Variants in LZTS3 observed in about 807,000 individuals in gnomAD.
LZTS3 encodes leucine zipper putative tumor suppressor 3.
LZTS3 carries 16 observed loss-of-function variants against 50.9 expected under a neutral mutation model. That is an observed-to-expected ratio of 0.31 (90% CI 0.21 to 0.48). The LOEUF is 0.48. Ranked by LOEUF, LZTS3 falls within the 20% of genes least tolerant of loss-of-function variation. LZTS3 has a pLI of 0.99. For missense variants in LZTS3, 816 were observed against 931.0 expected (o/e 0.88, Z 1.61); for synonymous variants, 408 against 410.6 (o/e 0.99, Z 0.08).
chr20:3,165,391 A>ACC lies in LZTS3; in HGVS notation c.1323+105_1323+106insGG, dbSNP rs1555767247. 3.0e-3 allele frequency: 2,770 copies of ACC among 934,132 alleles called. 11 individuals are homozygous for ACC. Among genetic ancestry groups the ACC allele is most frequent in the African/African-American group, 0.015 (718 of 46,854 alleles). The allele number at this position is 934,132 out of a possible 1,614,324, so 57.9% of individuals were successfully genotyped here. ...GATTTTTGTCCCCCCTGCTCCTTTC[A>ACC]TCCCCCCCCCCATCCCACCGTTATG... On this transcript the variant is annotated intron_variant, in intron 4 of 4. Coordinates refer to ENST00000337576, the MANE Select transcript of LZTS3 (RefSeq NM_001365618.1). This position sits in a 1 kb window ranked among gnomAD's most constrained non-coding sequence, Gnocchi z 5.0.
rs755795847 is a variant in LZTS3 at position 3,166,341 on chromosome 20, C to T, written c.479G>A (p.Arg160Gln). 28 of 1,610,314 alleles carry T rather than the reference C, an allele frequency of 1.7e-5. No homozygotes were observed. Among genetic ancestry groups the T allele is most frequent in the Middle Eastern group, 1.6e-4 (1 of 6,064 alleles). The change falls in exon 4 of 5, where the codon CGG (arginine) becomes CAG (glutamine). Residue 160 changes from arginine (R) to glutamine (Q), a missense_variant. Around this residue, in one of 3 missense-constraint regions of LZTS3, gnomAD observed 700 missense variants for 769.4 expected, o/e 0.91. Transcript: ENST00000337576. Reference protein sequence around the residue: ...KLDQCSEPLVRPSAFKPVVPK... With the variant: ...KLDQCSEPLVQPSAFKPVVPK... ...TACGACAGGCTTGAAGGCCGACGGC[C>T]GAACTAGTGGTTCTGAGCACTGCAG...
chr20:3,169,253 C>T (rs2066873388), intron 1 of LZTS3, among the ~76,000 whole-genome samples: 2 of 152,206 alleles, frequency 1.3e-5, no homozygotes, highest in Non-Finnish European at 2.9e-5. Context: ...CTCTACTCCC[C>T]AGCATACTCC....
chr20:3,164,276 G>T lies in LZTS3; in HGVS notation c.*178C>A. 2 of 587,656 alleles carry T rather than the reference G, an allele frequency of 3.4e-6. No homozygotes were observed. Among genetic ancestry groups the T allele is most frequent in the Non-Finnish European group, 5.3e-6 (2 of 375,354 alleles). The allele number at this position is 587,656 out of a possible 1,614,324, so 36.4% of individuals were successfully genotyped here. On this transcript the variant is annotated 3_prime_UTR_variant, in exon 5 of 5. Coordinates refer to ENST00000337576, the MANE Select transcript of LZTS3 (RefSeq NM_001365618.1). ...GGGGGGTCCAAGTGGGCTGCCACGG[G>T]GGCAGTGCTGGAGCTAGGAGGGCAG...
chr20:3,167,363 G>A, intron 2 of LZTS3, 182 bp from the exon 3 acceptor site: 1 of 1,347,828 alleles, frequency 7.4e-7, no homozygotes. Context: ...ACTTGGGAAT[G>A]GGGGCTGCCT....
Position 3,163,360 on chromosome 20 carries a change from C to G in LZTS3, c.*1094G>C, listed in dbSNP as rs2066758853. 1 of 153,250 alleles carries G rather than the reference C, an allele frequency of 6.5e-6. No individual in the cohort carries two copies. The highest frequency in any genetic ancestry group is 2.4e-5 in the African/African-American group (1 of 41,458). The allele number at this position is 153,250 out of a possible 1,614,324, so 9.5% of individuals were successfully genotyped here. On this transcript the variant is annotated 3_prime_UTR_variant, in exon 5 of 5. Coordinates refer to ENST00000337576, the MANE Select transcript of LZTS3 (RefSeq NM_001365618.1). This position sits in a 1 kb window ranked among gnomAD's most constrained non-coding sequence, Gnocchi z 5.2. ...TTCAAGGGCAATCACATCCAACTCT[C>G]CCCCCGCCCCCAAAACAAGGGCCTC...
chr20:3,173,160 C>A (rs1043490544), intron 1 of LZTS3, among the ~76,000 whole-genome samples: 7 of 152,138 alleles, frequency 4.6e-5, no homozygotes, highest in African/African-American at 1.7e-4. Context: ...TGGGGGAAAC[C>A]CCGCCCGCAC....
chr20:3,166,752 G>A lies in LZTS3; in HGVS notation c.412C>T (p.Pro138Ser), dbSNP rs777636403. Reference sequence around the variant, plus strand: ...GCCAGGAGCTTGGGTGGGTGGCTGGGCTCACGATACTGCGGTGGGGCTTTG... The same window carrying A: ...GCCAGGAGCTTGGGTGGGTGGCTGGACTCACGATACTGCGGTGGGGCTTTG... ...SDKAPPQYRE[P>S]SHPPKLLATS... is the part of the protein sequence containing the mutation. The change falls in exon 3 of 5, where the codon CCC becomes TCC. Residue 138 changes from proline (P) to serine (S), a missense_variant. Pro to Ser is a moderately conservative substitution (Grantham distance 74). Coordinates refer to ENST00000337576, the MANE Select transcript of LZTS3 (RefSeq NM_001365618.1). 1 of 1,613,872 alleles carries A rather than the reference G, an allele frequency of 6.2e-7. No homozygotes were observed. The highest frequency in any genetic ancestry group is 1.1e-5 in the South Asian group (1 of 91,084).
chr20:3,164,977 C>A lies in LZTS3; in HGVS notation c.1499G>T (p.Ser500Ile). The A allele has an allele frequency of 6.4e-7, 1 of 1,557,630 alleles. No individual in the cohort carries two copies. Among genetic ancestry groups the A allele is most frequent in the Non-Finnish European group, 8.6e-7 (1 of 1,156,412 alleles). ...GCCCAGCTCCAGGCTGGCCTGCTTG[C>A]TGCTGAAGGAGTCCCGCAGGCTGAG... Reference protein sequence around the residue: ...QLLSLRDSFSSKQASLELGEG... With the variant: ...QLLSLRDSFSIKQASLELGEG... Residue 500 changes from serine (S) to isoleucine (I), a missense_variant, in exon 5 of 5, where the codon AGC becomes ATC. Around this residue, in one of 3 missense-constraint regions of LZTS3, gnomAD observed 700 missense variants for 769.4 expected, o/e 0.91. Coordinates refer to ENST00000337576, the MANE Select transcript of LZTS3 (RefSeq NM_001365618.1).
chr20:3,164,350 C>G lies in LZTS3; in HGVS notation c.*104G>C, dbSNP rs971223548. On this transcript the variant is annotated 3_prime_UTR_variant, in exon 5 of 5. Transcript: ENST00000337576. ...CAGCTGCTTAGAGAACCTCTTTGGT[C>G]TGGGGTTATGGGGTCTATGGGGAAG... 1.5e-5 allele frequency: 19 copies of G among 1,272,386 alleles called. No individual in the cohort carries two copies. Among genetic ancestry groups the G allele is most frequent in the Non-Finnish European group, 1.9e-5 (18 of 945,930 alleles). 78.8% of individuals were successfully genotyped at this position (1,272,386 alleles called of 1,614,324 possible).
rs2066752266 is a variant in LZTS3, at chr20:3,162,720, A to G, written c.*1734T>C. On this transcript the variant is annotated 3_prime_UTR_variant, in exon 5 of 5. Coordinates refer to ENST00000337576, the MANE Select transcript of LZTS3 (RefSeq NM_001365618.1). The surrounding 1 kb of genome is among the most constrained non-coding windows in gnomAD (Gnocchi z 5.0). Reference sequence around the variant, plus strand: ...TATATATTTATATATATTTATATATAATTTCTTTTGTGGTTGGACGTCCCA... The same window carrying G: ...TATATATTTATATATATTTATATATGATTTCTTTTGTGGTTGGACGTCCCA... 1 of 152,110 alleles carries G rather than the reference A, an allele frequency of 6.6e-6. No individual in the cohort carries two copies. The highest frequency in any genetic ancestry group is 1.5e-5 in the Non-Finnish European group (1 of 68,016). The allele number at this position is 152,110 out of a possible 1,614,324, so 9.4% of individuals were successfully genotyped here.
chr20:3,165,483 TC>T lies in LZTS3; in HGVS notation c.1323+13del. 6.7e-7 allele frequency: 1 copy of T among 1,499,560 alleles called. No individual in the cohort carries two copies. Among genetic ancestry groups the T allele is most frequent in the Non-Finnish European group, 8.9e-7 (1 of 1,126,910 alleles). 92.9% of individuals were successfully genotyped at this position (1,499,560 alleles called of 1,614,324 possible). On this transcript the variant is annotated intron_variant, in intron 4 of 4. Coordinates refer to ENST00000337576, the MANE Select transcript of LZTS3 (RefSeq NM_001365618.1). This position sits in a 1 kb window ranked among gnomAD's most constrained non-coding sequence, Gnocchi z 5.0. ...AAGGGAGGCAGAGGGGAGGCCCAGA[TC>T]CCCAGCCCGCACCTCCCACTTAGTT...
intron 1 of LZTS3, among the ~76,000 whole-genome samples, chr20:3,169,088 C>T (rs936499888): frequency 9.9e-5 from 15 of 151,918 alleles, no homozygotes; most frequent in African/African-American, 3.6e-4. Flanking sequence ...ACCCGTCTGT[C>T]CCCATAAGCA....
chr20:3,170,143 T>G (rs1010897635), intron 1 of LZTS3, among the ~76,000 whole-genome samples: 1 of 152,036 alleles, frequency 6.6e-6, no homozygotes, highest in Non-Finnish European at 1.5e-5. Context: ...TGCTGCGGAT[T>G]TAGGAGCTGG....
rs755079831 is a variant in LZTS3 at position 3,165,836 on chromosome 20, C to T, written c.984G>A (p.Leu328=). Residue 328 remains leucine (L), a synonymous_variant, in exon 4 of 5, where the codon CTG becomes CTA. Coordinates refer to ENST00000337576, the MANE Select transcript of LZTS3 (RefSeq NM_001365618.1). The surrounding 1 kb of genome is among the most constrained non-coding windows in gnomAD (Gnocchi z 5.0). ...SALIQELEER[L]WEKEQEVAAL... ...CTGCCACCTCCTGCTCCTTCTCCCA[C>T]AGCCGCTCCTCCAGCTCCTGGATGA... The T allele has an allele frequency of 2.0e-5, 32 of 1,603,952 alleles. No individual in the cohort carries two copies. The highest frequency in any genetic ancestry group is 2.7e-5 in the Non-Finnish European group (32 of 1,179,248).
Position 3,164,791 on chromosome 20 carries a change from G to A in LZTS3, c.1685C>T (p.Ala562Val), listed in dbSNP as rs1233825991. 5.9e-6 allele frequency: 9 copies of A among 1,529,928 alleles called. No homozygotes were observed. Among genetic ancestry groups the A allele is most frequent in the East Asian group, 5.0e-5 (2 of 39,908 alleles). The allele number at this position is 1,529,928 out of a possible 1,614,324, so 94.8% of individuals were successfully genotyped here. A position where few individuals can be genotyped will look rare whatever the true frequency, so the allele number is the denominator to read the frequency against. ...AASLVSVDGEAEAGGESGTRA... is the reference protein window; with the variant it reads ...AASLVSVDGEVEAGGESGTRA... ...CGTCCCGCTCTCCCCGCCAGCCTCCGCCTCCCCGTCCACGGAAACCAAGGA... is the reference window on the plus strand; with the variant it reads ...CGTCCCGCTCTCCCCGCCAGCCTCCACCTCCCCGTCCACGGAAACCAAGGA... The change falls in exon 5 of 5, where the codon GCG (alanine) becomes GTG (valine). Residue 562 changes from alanine (A) to valine (V), a missense_variant. Transcript: ENST00000337576.
At chr20:3,170,486 C>CAAAAAAA (rs397955055) in intron 1 of LZTS3, among the ~76,000 whole-genome samples, 1,566 of 72,506 alleles carry the variant, frequency 0.022, 159 homozygotes, top group Middle Eastern at 0.044. Context: ...GAGACTACAT[C>CAAAAAAA]AAAAAAAAAA....
chr20:3,167,692 C>T lies in LZTS3; in HGVS notation c.-19+46G>A, dbSNP rs181356832. Reference sequence around the variant, plus strand: ...AAATTAGGGGAGGGAGAGAAATACACCCCTATCCAAAAATTGAGGGTGGGG... The same window carrying T: ...AAATTAGGGGAGGGAGAGAAATACATCCCTATCCAAAAATTGAGGGTGGGG... On this transcript the variant is annotated intron_variant, in intron 2 of 4. Coordinates refer to ENST00000337576, the MANE Select transcript of LZTS3 (RefSeq NM_001365618.1). 5,195 of 986,278 alleles carry T rather than the reference C, an allele frequency of 5.3e-3. 17 individuals carry two copies. The highest frequency in any genetic ancestry group is 6.0e-3 in the Non-Finnish European group (4,948 of 830,638). 61.1% of individuals were successfully genotyped at this position (986,278 alleles called of 1,614,324 possible).
At position 3,166,849 on chromosome 20, in the gene LZTS3, G is replaced by C. The variant is rs1205091189; in HGVS notation, c.315C>G (p.Gly105=). The change falls in exon 3 of 5, where the codon GGC becomes GGG. Residue 105 remains glycine, a synonymous_variant. Transcript: ENST00000337576. The stretch of plus-strand genomic sequence containing the variant: ...TGCCACAGACATCGGTGTGGTCACT[G>C]CCCCGCAGCTCACCATTGAGGTAGA... ...NSLYLNGELR[G]SDHTDVCGNV... The C allele has an allele frequency of 6.2e-7, 1 of 1,613,856 alleles. No homozygotes were observed. Among genetic ancestry groups the C allele is most frequent in the Non-Finnish European group, 8.5e-7 (1 of 1,180,034 alleles).
In LZTS3 at chr20:3,166,837, G is replaced by A. The variant is rs1257087890; in HGVS notation, c.327C>T (p.Thr109=). ...TGCCAACCACGTTGCCACAGACATC[G>A]GTGTGGTCACTGCCCCGCAGCTCAC... ...LNGELRGSDH[T]DVCGNVVGSS... Residue 109 remains threonine (T), a synonymous_variant, in exon 3 of 5, where the codon ACC becomes ACT. Transcript: ENST00000337576. The A allele has an allele frequency of 5.6e-6, 9 of 1,613,742 alleles. No homozygotes were observed. Among genetic ancestry groups the A allele is most frequent in the African/African-American group, 1.3e-5 (1 of 74,914 alleles).
Sources: gnomAD v4.1 joint callset for allele counts (sites outside exome capture counted in the v4.1 genomes callset) on GRCh38, gnomAD v4.1.1 for gene constraint, gnomAD v4.1.1 regional missense constraint, Gnocchi (gnomAD v3.1) non-coding constraint, MANE v1.5 for transcripts, NCBI Gene and HGNC (gene_info 2026-07-23, HGNC 2026-07-21) for gene names.